NBAS: variants seen among roughly 807,000 people sequenced by gnomAD.
NBAS encodes NAG/BC035112 fusion.
In NBAS, 219 loss-of-function variants were observed where a neutral mutation model predicts 302.5. That is an observed-to-expected ratio of 0.72 (90% confidence interval 0.65 to 0.81). The LOEUF (loss-of-function observed/expected upper bound fraction) is 0.81, where lower values mean the gene tolerates loss of function less well. NBAS is among the 30% of genes least tolerant of loss of function. The pLI is 0.00. For missense variants in NBAS, 2,932 were observed against 2,841.6 expected (o/e 1.03, Z -0.72); for synonymous variants, 1,118 against 1,021.6 (o/e 1.09, Z -1.80).
At chr2:14,898,897 T>G in the NBAS span, among the ~76,000 whole-genome samples, 4 of 152,202 alleles carry the variant, frequency 2.6e-5, no homozygotes, top group African/African-American at 9.7e-5. Context: ...TTCTGTAGCT[T>G]GAGTTCTAGT....
chr2:15,134,395 G>A, the NBAS span, among the ~76,000 whole-genome samples: 1 of 152,214 alleles, frequency 6.6e-6, no homozygotes, highest in African/African-American at 2.4e-5. Context: ...AACTGCTGTT[G>A]TTTTCAAGCC....
At chr2:15,182,812 A>G (rs1026155464) in intron 50 of NBAS, among the ~76,000 whole-genome samples, 1 of 152,202 alleles carries the variant, frequency 6.6e-6, no homozygotes, top group African/African-American at 2.4e-5. Context: ...AATATTTTCC[A>G]TCAGGAAAAC....
chr2:15,155,266 C>T, the NBAS span, among the ~76,000 whole-genome samples: 1 of 152,174 alleles, frequency 6.6e-6, no homozygotes. Flanking sequence ...AAGCCCCTAA[C>T]AGCTTGAGCA....
At chr2:15,012,363 C>T in the NBAS span, among the ~76,000 whole-genome samples, 1 of 151,518 alleles carries the variant, frequency 6.6e-6, no homozygotes, top group Non-Finnish European at 1.5e-5. Flanking sequence ...ATAACAACAA[C>T]AAAAAGAATA....
chr2:15,333,174 T>G (rs1672429158), intron 35 of NBAS, among the ~76,000 whole-genome samples: 1 of 152,142 alleles, frequency 6.6e-6, no homozygotes, highest in Non-Finnish European at 1.5e-5. Context: ...AAGGTAATCT[T>G]TCAGTGGGAA....
chr2:15,247,264 A>G (rs1419293224), intron 44 of NBAS, among the ~76,000 whole-genome samples: 1 of 152,174 alleles, frequency 6.6e-6, no homozygotes, highest in East Asian at 1.9e-4. Context: ...AACAACCAGT[A>G]CCAGCCACTG....
chr2:15,123,615 G>C, the NBAS span, among the ~76,000 whole-genome samples: 1 of 152,058 alleles, frequency 6.6e-6, no homozygotes, highest in African/African-American at 2.4e-5. Context: ...GTTCACAGGA[G>C]ATCTGACTGT....
chr2:14,893,856 G>A, the NBAS span, among the ~76,000 whole-genome samples: 2 of 152,116 alleles, frequency 1.3e-5, no homozygotes, highest in Non-Finnish European at 2.9e-5. Context: ...TCAAGCTTAG[G>A]GGTGACAACA....
intron 32 of NBAS, among the ~76,000 whole-genome samples, chr2:15,360,004 A>G (rs1163948879): frequency 2.6e-5 from 4 of 152,208 alleles, no homozygotes; most frequent in African/African-American, 7.2e-5. Context: ...CCTGTACAGT[A>G]TATTTCTGTA....
At chr2:15,204,672 T>C (rs953118129) in intron 48 of NBAS, among the ~76,000 whole-genome samples, 2 of 152,174 alleles carry the variant, frequency 1.3e-5, no homozygotes, top group Non-Finnish European at 2.9e-5. Flanking sequence ...TGGAATACTA[T>C]ACAGCCATAA....
At chr2:15,390,510 C>T (rs1487841503) in intron 28 of NBAS, among the ~76,000 whole-genome samples, 1 of 152,034 alleles carries the variant, frequency 6.6e-6, no homozygotes, top group Non-Finnish European at 1.5e-5. Flanking sequence ...ATGAACAAGC[C>T]TAGAGGTCTA....
chr2:15,154,307 T>C, the NBAS span, among the ~76,000 whole-genome samples: 3 of 152,222 alleles, frequency 2.0e-5, no homozygotes, highest in African/African-American at 7.2e-5. Flanking sequence ...CTGCTGGACT[T>C]GGAGCAAGGT....
chr2:14,875,546 G>A, the NBAS span, among the ~76,000 whole-genome samples: 1 of 152,120 alleles, frequency 6.6e-6, no homozygotes, highest in Non-Finnish European at 1.5e-5. Context: ...AACCTGGGAG[G>A]CAGAGGTTGC....
chr2:15,353,838 A>G (rs1558264002), intron 33 of NBAS, 128 bp from the exon 34 acceptor site: 3 of 1,102,580 alleles, frequency 2.7e-6, no homozygotes, highest in Admixed American at 1.8e-5. Context: ...TTAGTGACAC[A>G]TTATTTTATA....
At chr2:15,135,448 G>A in the NBAS span, among the ~76,000 whole-genome samples, 14 of 152,228 alleles carry the variant, frequency 9.2e-5, no homozygotes, top group South Asian at 2.1e-4. Context: ...GGCAGTGAGC[G>A]GGCACCCGTG....
chr2:15,120,982 C>T, the NBAS span, among the ~76,000 whole-genome samples: 4 of 152,160 alleles, frequency 2.6e-5, no homozygotes, highest in African/African-American at 9.7e-5. Flanking sequence ...CAGCTTTTCT[C>T]CACCTTTTAT....
chr2:15,148,893 C>T, the NBAS span, among the ~76,000 whole-genome samples: 1 of 152,146 alleles, frequency 6.6e-6, no homozygotes, highest in Non-Finnish European at 1.5e-5. Flanking sequence ...TCCTATGCTT[C>T]ATGTTGTCTT....
the NBAS span, among the ~76,000 whole-genome samples, chr2:14,837,047 T>C: frequency 6.6e-6 from 1 of 151,902 alleles, no homozygotes; most frequent in Non-Finnish European, 1.5e-5. Context: ...AAAATATTAA[T>C]AATTTTATCT....
the NBAS span, among the ~76,000 whole-genome samples, chr2:15,083,897 T>A: frequency 1.3e-5 from 2 of 152,204 alleles, no homozygotes; most frequent in African/African-American, 4.8e-5. Context: ...TAGCTTAATG[T>A]CTCTGAGTTT....
Sources: allele counts gnomAD v4.1 joint callset (sites outside exome capture counted in the v4.1 genomes callset), GRCh38; gene constraint gnomAD v4.1.1; transcripts MANE v1.5; gene names NCBI Gene and HGNC (gene_info 2026-07-23, HGNC 2026-07-21).